ISLR2: variants seen among roughly 807,000 people sequenced by gnomAD.
The protein encoded by ISLR2 is immunoglobulin superfamily containing leucine rich repeat 2.
Under a neutral mutation model 25.5 loss-of-function variants are expected in ISLR2, and 16 were observed. The observed-to-expected ratio is 0.63, with a 90% confidence interval of 0.43 to 0.95. The LOEUF (loss-of-function observed/expected upper bound fraction) is 0.95. ISLR2 is among the 40% of genes least tolerant of loss of function. The pLI, the probability that ISLR2 is intolerant of heterozygous loss-of-function variation, is 0.00. For missense variants in ISLR2, 883 were observed against 1,030.7 expected (o/e 0.86, Z 1.96); for synonymous variants, 508 against 486.6 (o/e 1.04, Z -0.58).
chr15:74,118,222 C>T (rs1003039732), intron 2 of ISLR2, among the ~76,000 whole-genome samples: 10 of 151,996 alleles, frequency 6.6e-5, no homozygotes, highest in Non-Finnish European at 1.0e-4. Context: ...CCCCCCGAGC[C>T]GTAAAACCAG....
At chr15:74,139,863 AGTGTGT>A (rs10579764), downstream of ISLR2, among the ~76,000 whole-genome samples, 12,512 of 127,838 alleles carry the variant, frequency 0.098, 667 homozygotes, top group Admixed American at 0.17. Flanking sequence ...CGGCTTGAGG[AGTGTGT>A]GTGTGTGTGT....
At chr15:74,113,870 T>TC in intron 2 of ISLR2, among the ~76,000 whole-genome samples, 1 of 152,306 alleles carries the variant, frequency 6.6e-6, no homozygotes, top group Non-Finnish European at 1.5e-5. Context: ...AGCTCTCAGC[T>TC]CCCCATCAGC....
intron 2 of ISLR2, among the ~76,000 whole-genome samples, chr15:74,121,916 A>C (rs1409384319): frequency 6.6e-6 from 1 of 152,194 alleles, no homozygotes; most frequent in African/African-American, 2.4e-5. Context: ...AGGGTACAAC[A>C]TCAGTCTCTC....
intron 2 of ISLR2, among the ~76,000 whole-genome samples, chr15:74,121,926 C>T (rs972002367): frequency 3.3e-5 from 5 of 152,206 alleles, no homozygotes; most frequent in Admixed American, 3.3e-4. Flanking sequence ...ATCAGTCTCT[C>T]CCACACATGG....
chr15:74,127,869 G>C (rs1373233925), upstream of ISLR2: 3 of 152,604 alleles, frequency 2.0e-5, no homozygotes, highest in East Asian at 1.9e-4. Flanking sequence ...AGGGGCTCCA[G>C]CTCTCCATTC....
chr15:74,115,416 C>G (rs1254585175), intron 2 of ISLR2, among the ~76,000 whole-genome samples: 4 of 152,224 alleles, frequency 2.6e-5, no homozygotes, highest in African/African-American at 9.6e-5. Context: ...AGGCAATGGC[C>G]AGGCACAGTG....
At chr15:74,109,852 A>G (rs1472234732) in intron 2 of ISLR2, among the ~76,000 whole-genome samples, 4 of 152,106 alleles carry the variant, frequency 2.6e-5, no homozygotes, top group Non-Finnish European at 4.4e-5. Flanking sequence ...CTGGAGTATA[A>G]TGGTGCAGTC....
chr15:74,122,822 C>T (rs2072263257), intron 2 of ISLR2, among the ~76,000 whole-genome samples: 1 of 152,124 alleles, frequency 6.6e-6, no homozygotes, highest in Admixed American at 6.5e-5. Flanking sequence ...TGCGCAGCCC[C>T]CCAACCCCAG....
At chr15:74,122,948 C>G (rs1342981422) in intron 2 of ISLR2, among the ~76,000 whole-genome samples, 2 of 152,080 alleles carry the variant, frequency 1.3e-5, no homozygotes, top group Non-Finnish European at 2.9e-5. Context: ...TTTATTGTGG[C>G]CTTTCTGTGT....
Position 74,134,799 on chromosome 15 carries a change from A to G in ISLR2, c.2045A>G (p.Glu682Gly), listed in dbSNP as rs200999608. 8.1e-6 allele frequency: 13 copies of G among 1,614,014 alleles called. No individual in the cohort carries two copies. The highest frequency in any genetic ancestry group is 1.1e-5 in the Non-Finnish European group (13 of 1,179,982). ...GGGGAGGGCCTTGATGAAGACGCGG[A>G]GCAGGGAGACCCAAGTGGGGACCTG... The part of the protein sequence containing the change: ...VQGEGLDEDA[E>G]QGDPSGDLQR... Residue 682 changes from glutamate to glycine, a missense_variant, in exon 3 of 3, where the codon GAG becomes GGG. Physicochemically the swap from Glu to Gly is moderately conservative, Grantham distance 98. This residue lies in a region of ISLR2 where 612 missense variants were observed against 642.8 expected (regional missense o/e 0.95). Transcript: ENST00000453268.
chr15:74,134,682 C>G lies in ISLR2; in HGVS notation c.1928C>G (p.Ala643Gly), dbSNP rs766980185. 15 of 1,614,140 alleles carry G rather than the reference C, an allele frequency of 9.3e-6. No homozygotes were observed. In the South Asian group the frequency reaches 1.6e-4, roughly 18 times the overall value. ...APDPMEKRIAADFDPRASYLE... is the reference protein window; with the variant it reads ...APDPMEKRIAGDFDPRASYLE... ...GACCCTATGGAGAAGCGCATCGCCG[C>G]AGACTTCGACCCGCGTGCTTCGTAC... Residue 643 changes from alanine to glycine, a missense_variant, in exon 3 of 3, where the codon GCA becomes GGA. Around this residue, in one of 2 missense-constraint regions of ISLR2, gnomAD observed 612 missense variants for 642.8 expected, o/e 0.95. Coordinates refer to ENST00000453268, the MANE Select transcript of ISLR2 (RefSeq NM_020851.3).
chr15:74,118,370 G>T (rs62005678), intron 2 of ISLR2, among the ~76,000 whole-genome samples: 15,607 of 152,150 alleles, frequency 0.1, 1,065 homozygotes, highest in Middle Eastern at 0.16. Flanking sequence ...CCACAGGACC[G>T]GGGTGAAATT....
At chr15:74,106,630 C>T (rs1409151768) in intron 2 of ISLR2, among the ~76,000 whole-genome samples, 2 of 152,076 alleles carry the variant, frequency 1.3e-5, no homozygotes, top group Non-Finnish European at 2.9e-5. Context: ...GGGTTCTTTA[C>T]GTCCACACAA....
rs528177628 is a variant in ISLR2, at chr15:74,117,369, G to C, written n.228+13455G>C. 2.6e-5 allele frequency among the ~76,000 whole-genome samples: 4 copies of C among 152,250 alleles called. No homozygotes were observed. The East Asian group carries it at 7.7e-4, about 29-fold the overall frequency. ...TTGCAACCTTCTGTGGCCAGATCTT[G>C]TTGATGTTGTTTCCTGAATACACAA... On this transcript the variant is annotated intron_variant and non_coding_transcript_variant, in intron 2 of 3. Transcript: ENST00000561975.
upstream of ISLR2, chr15:74,129,037 C>T: frequency 2.2e-6 from 1 of 456,720 alleles, no homozygotes; most frequent in Non-Finnish European, 4.4e-6. This position sits in a 1 kb window ranked among gnomAD's most constrained non-coding sequence, Gnocchi z 4.5. Flanking sequence ...GTGCTCTCAC[C>T]CCTCGACCAT....
rs759958101 is a variant in ISLR2 at position 74,132,424 on chromosome 15, G to A, written c.-8-323G>A. ...ACGAAGGCTTAGAAACACAGAGAGGGGTACGTGAGGAGCCCGCTGGAGATG... is the reference window on the plus strand; with the variant it reads ...ACGAAGGCTTAGAAACACAGAGAGGAGTACGTGAGGAGCCCGCTGGAGATG... On this transcript the variant is annotated intron_variant, in intron 2 of 2. Coordinates refer to ENST00000453268, the MANE Select transcript of ISLR2 (RefSeq NM_020851.3). The surrounding 1 kb of genome is among the most constrained non-coding windows in gnomAD (Gnocchi z 4.3). 6.6e-5 allele frequency among the ~76,000 whole-genome samples: 10 copies of A among 152,158 alleles called. No homozygotes were observed. The highest frequency in any genetic ancestry group is 1.2e-4 in the African/African-American group (5 of 41,438).
chr15:74,113,086 T>G (rs1315942926), intron 2 of ISLR2, among the ~76,000 whole-genome samples: 2 of 152,220 alleles, frequency 1.3e-5, no homozygotes, highest in African/African-American at 4.8e-5. Flanking sequence ...AGGCATTAGA[T>G]TCTCATAAAG....
intron 1 of ISLR2, among the ~76,000 whole-genome samples, chr15:74,102,654 G>A (rs991913290): frequency 3.9e-5 from 6 of 151,902 alleles, no homozygotes; most frequent in Admixed American, 6.5e-5. Flanking sequence ...TGACACTGGT[G>A]CTTCCAATTT....
chr15:74,131,856 G>A (rs896292483), intron 2 of ISLR2: 6 of 152,300 alleles, frequency 3.9e-5, no homozygotes, highest in Non-Finnish European at 5.9e-5. Context: ...CCCCGGGCAG[G>A]TGACTTTGGC....
Sources: allele counts gnomAD v4.1 joint callset (sites outside exome capture counted in the v4.1 genomes callset), GRCh38; gene constraint gnomAD v4.1.1; regional missense constraint gnomAD v4.1.1; non-coding constraint Gnocchi (gnomAD v3.1); transcripts MANE v1.5; gene names NCBI Gene and HGNC (gene_info 2026-07-23, HGNC 2026-07-21).